Variants in CPA6 observed in about 807,000 individuals in gnomAD.
The protein encoded by CPA6 is carboxypeptidase A6.
CPA6 carries 58 observed loss-of-function variants against 63.3 expected under a neutral mutation model. The ratio of observed to expected loss-of-function variants is 0.92; its 90% CI spans 0.74 to 1.14. CPA6 has a LOEUF of 1.14. CPA6 is among the 50% of genes most tolerant of loss of function. The pLI is 0.00. For missense variants in CPA6, 565 were observed against 526.6 expected, an observed-to-expected ratio of 1.07 and a Z score of -0.71; for synonymous variants, 185 against 179.0, an observed-to-expected ratio of 1.03 and a Z score of -0.27.
intron 2 of CPA6, among the ~76,000 whole-genome samples, chr8:67,559,511 T>A (rs999893246): frequency 6.6e-6 from 1 of 152,124 alleles, no homozygotes; most frequent in African/African-American, 2.4e-5. Context: ...GGGTAGAGGA[T>A]TTAGATTTAG....
chr8:67,440,978 T>C (rs1199297455), intron 8 of CPA6, among the ~76,000 whole-genome samples: 1 of 152,182 alleles, frequency 6.6e-6, no homozygotes, highest in Non-Finnish European at 1.5e-5. Context: ...ACTAATTACT[T>C]CCACAAATAA....
At chr8:67,591,615 T>G (rs1225098511) in intron 2 of CPA6, among the ~76,000 whole-genome samples, 2 of 152,186 alleles carry the variant, frequency 1.3e-5, no homozygotes, top group Non-Finnish European at 2.9e-5. Flanking sequence ...CCTTGTAAGT[T>G]GGATTCCTAG....
intron 2 of CPA6, among the ~76,000 whole-genome samples, chr8:67,561,505 C>T (rs956548741): frequency 1.3e-5 from 2 of 152,084 alleles, no homozygotes; most frequent in African/African-American, 4.8e-5. Flanking sequence ...CAAAGCCAAA[C>T]CAAGAAACAT....
At chr8:67,469,091 T>A (rs1810996860) in intron 8 of CPA6, among the ~76,000 whole-genome samples, 1 of 152,238 alleles carries the variant, frequency 6.6e-6, no homozygotes, top group Non-Finnish European at 1.5e-5. Context: ...TGTGTGCGTA[T>A]TTATATCTAT....
At chr8:67,682,817 C>G (rs1405747620) in intron 1 of CPA6, among the ~76,000 whole-genome samples, 1 of 152,096 alleles carries the variant, frequency 6.6e-6, no homozygotes, top group Non-Finnish European at 1.5e-5. Flanking sequence ...TCTACTCTGG[C>G]CTTTGAGAAC....
chr8:67,551,885 T>C (rs928123056), intron 2 of CPA6, among the ~76,000 whole-genome samples: 2 of 152,226 alleles, frequency 1.3e-5, no homozygotes, highest in Non-Finnish European at 1.5e-5. Flanking sequence ...GTTGCCTTGG[T>C]GTAAATTTAC....
intron 6 of CPA6, among the ~76,000 whole-genome samples, chr8:67,500,246 CAGAT>C (rs1168303468): frequency 9.2e-5 from 14 of 152,140 alleles, no homozygotes; most frequent in African/African-American, 3.1e-4. Flanking sequence ...TTTAGCCACT[CAGAT>C]AGGTGTGCAG....
At chr8:67,470,765 T>A (rs915851302) in intron 8 of CPA6, among the ~76,000 whole-genome samples, 3 of 152,178 alleles carry the variant, frequency 2.0e-5, no homozygotes, top group Non-Finnish European at 4.4e-5. Context: ...CTTCACATAA[T>A]AAAGGTATAT....
chr8:67,511,166 G>A (rs1812035507), intron 4 of CPA6, among the ~76,000 whole-genome samples: 1 of 152,046 alleles, frequency 6.6e-6, no homozygotes, highest in Non-Finnish European at 1.5e-5. Context: ...GTACAAGTAA[G>A]GTCCACTTTA....
intron 2 of CPA6, among the ~76,000 whole-genome samples, chr8:67,566,064 G>A (rs1336980926): frequency 6.6e-6 from 1 of 152,156 alleles, no homozygotes; most frequent in African/African-American, 2.4e-5. Flanking sequence ...GGGCTTCCAA[G>A]GCAAAAGCAA....
intron 2 of CPA6, among the ~76,000 whole-genome samples, chr8:67,584,066 G>A (rs908495185): frequency 6.6e-5 from 10 of 152,212 alleles, no homozygotes; most frequent in South Asian, 4.1e-4. Context: ...ACTGAGGCAG[G>A]AGAATCGCTT....
At chr8:67,445,486 C>T (rs913220725) in intron 8 of CPA6, among the ~76,000 whole-genome samples, 4 of 151,960 alleles carry the variant, frequency 2.6e-5, no homozygotes, top group Non-Finnish European at 5.9e-5. Flanking sequence ...ATATATGTGT[C>T]TCTTGTTTGT....
chr8:67,716,151 C>CAAAAAAAAAAAAAAAAAAAAAAAAAAAAA (rs56275918), intron 1 of CPA6, among the ~76,000 whole-genome samples: 2 of 76,548 alleles, frequency 2.6e-5, no homozygotes, highest in African/African-American at 1.3e-4. Context: ...GAGCTTGTCT[C>CAAAAAAAAAAAAAAAAAAAAAAAAAAAAA]AAAAAAAAAA....
At chr8:67,634,702 AT>A (rs2128988833) in intron 1 of CPA6, among the ~76,000 whole-genome samples, 1 of 151,636 alleles carries the variant, frequency 6.6e-6, no homozygotes, top group East Asian at 1.9e-4. Flanking sequence ...TGTGAAAATT[AT>A]TTCATCCAGC....
intron 2 of CPA6, among the ~76,000 whole-genome samples, chr8:67,587,357 T>C (rs1813970162): frequency 6.6e-6 from 1 of 152,180 alleles, no homozygotes. Context: ...AAAATGCCTG[T>C]TGGGGATCAG....
chr8:67,447,650 ATTG>A (rs796088775), intron 8 of CPA6, among the ~76,000 whole-genome samples: 28 of 152,246 alleles, frequency 1.8e-4, no homozygotes, highest in African/African-American at 6.5e-4. Context: ...GCTTGCTAAG[ATTG>A]TTACTATTTA....
rs528782717 is a variant in CPA6, at chr8:67,631,409, G to A, written c.117-7158C>T. 1.8e-4 allele frequency among the ~76,000 whole-genome samples: 28 copies of A among 152,310 alleles called. No homozygotes were observed. The South Asian group carries it at 5.4e-3, about 29-fold the overall frequency. ...GATTGTAAATGCACCAATCAGCACT[G>A]TGTCTAGCTCAAGGTTTGTAAACAC... On this transcript the variant is annotated intron_variant, in intron 1 of 10. Coordinates refer to ENST00000297770, the MANE Select transcript of CPA6 (RefSeq NM_020361.5).
At chr8:67,641,096 T>G (rs1017094756) in intron 1 of CPA6, among the ~76,000 whole-genome samples, 4 of 151,742 alleles carry the variant, frequency 2.6e-5, no homozygotes, top group African/African-American at 9.8e-5. Context: ...CCACCACTCA[T>G]GTCTTTCTGC....
rs568698726 is a variant in CPA6 at position 67,507,448 on chromosome 8, A to G, written c.535-560T>C. 2.6e-5 allele frequency among the ~76,000 whole-genome samples: 4 copies of G among 152,212 alleles called. No homozygotes were observed. In the South Asian group the frequency reaches 6.2e-4, roughly 24 times the overall value. On this transcript the variant is annotated intron_variant, in intron 5 of 10. Coordinates refer to ENST00000297770, the MANE Select transcript of CPA6 (RefSeq NM_020361.5). ...AACTTGATTTCTAGAATCAAGTGGT[A>G]GATTTTTCTTTACAATCCTACCATA...
Sources: allele counts gnomAD v4.1 joint callset (sites outside exome capture counted in the v4.1 genomes callset), GRCh38; gene constraint gnomAD v4.1.1; transcripts MANE v1.5; gene names NCBI Gene and HGNC (gene_info 2026-07-23, HGNC 2026-07-21).